The following TAFA1 variants were observed in gnomAD, a reference collection of about 807,000 sequenced individuals.
TAFA1 encodes TAFA chemokine like family member 1.
Under a neutral mutation model 18.5 loss-of-function variants are expected in TAFA1, and 4 were observed. The ratio of observed to expected loss-of-function variants is 0.22; its 90% confidence interval spans 0.11 to 0.49. The LOEUF is 0.49. TAFA1 is among the 20% of genes least tolerant of loss of function. The pLI, the probability that TAFA1 is intolerant of heterozygous loss-of-function variation, is 0.98. For missense variants in TAFA1, 147 were observed against 169.0 expected (o/e 0.87, Z 0.72); for synonymous variants, 56 against 55.2 (o/e 1.01, Z -0.06).
At chr3:68,181,630 C>G (rs1046070322) in intron 2 of TAFA1, among the ~76,000 whole-genome samples, 2 of 152,168 alleles carry the variant, frequency 1.3e-5, no homozygotes, top group Middle Eastern at 3.4e-3. Flanking sequence ...ATATGTGGTT[C>G]CAAATATTCT....
intron 2 of TAFA1, among the ~76,000 whole-genome samples, chr3:68,269,648 G>GTGA (rs1315815802): frequency 6.6e-6 from 1 of 152,054 alleles, no homozygotes; most frequent in African/African-American, 2.4e-5. Context: ...TTGGCCAGGA[G>GTGA]TGATGGCTCA....
intron 2 of TAFA1, among the ~76,000 whole-genome samples, chr3:68,125,855 G>A (rs1250881409): frequency 6.6e-6 from 1 of 152,158 alleles, no homozygotes; most frequent in Middle Eastern, 3.4e-3. Flanking sequence ...CTGTGTGTAA[G>A]GGCAGCCCCA....
intron 3 of TAFA1, among the ~76,000 whole-genome samples, chr3:68,448,027 G>A (rs913644541): frequency 5.3e-5 from 8 of 152,188 alleles, no homozygotes; most frequent in East Asian, 3.9e-4. Context: ...TGGCAGAGCT[G>A]AGAAGTGAGC....
At chr3:68,080,785 T>C (rs1171512708) in intron 2 of TAFA1, among the ~76,000 whole-genome samples, 1 of 152,194 alleles carries the variant, frequency 6.6e-6, no homozygotes, top group Non-Finnish European at 1.5e-5. Flanking sequence ...CTGACAATTA[T>C]GTGTCTTGGA....
intron 2 of TAFA1, among the ~76,000 whole-genome samples, chr3:68,302,811 C>G (rs1441288045): frequency 6.6e-6 from 1 of 152,110 alleles, no homozygotes; most frequent in East Asian, 1.9e-4. Flanking sequence ...AATCATTTTC[C>G]CTAAGCCTCA....
chr3:68,395,022 T>C (rs539072935), intron 2 of TAFA1, among the ~76,000 whole-genome samples: 2 of 152,214 alleles, frequency 1.3e-5, no homozygotes, highest in South Asian at 4.1e-4. Flanking sequence ...ACCTACCGAA[T>C]GGGAGAAAAT....
rs180827135 is a variant in TAFA1, at chr3:68,379,824, G to T, written c.119-37456G>T. Among the ~76,000 whole-genome samples, 36 of 150,078 alleles carry T rather than the reference G, an allele frequency of 2.4e-4. No individual in the cohort carries two copies. The East Asian group carries it at 6.3e-3, about 26-fold the overall frequency. On this transcript the variant is annotated intron_variant, in intron 2 of 4. Transcript: ENST00000478136. ...GTACATGTGCACAACATGCAGGTTT[G>T]TTACATAGGTATACATGTGCCATGT... is the stretch of plus-strand genomic sequence containing the variant.
chr3:68,435,067 G>T (rs538302139), intron 3 of TAFA1, among the ~76,000 whole-genome samples: 2 of 152,212 alleles, frequency 1.3e-5, no homozygotes, highest in East Asian at 1.9e-4. Flanking sequence ...ATGGAGATGA[G>T]CCCAGAGTGC....
intron 2 of TAFA1, among the ~76,000 whole-genome samples, chr3:68,091,188 T>A (rs1679638604): frequency 6.6e-6 from 1 of 152,206 alleles, no homozygotes. Flanking sequence ...CAAGGACACC[T>A]ACAGACTTCT....
chr3:68,132,170 G>C (rs982051442), intron 2 of TAFA1, among the ~76,000 whole-genome samples: 2 of 152,086 alleles, frequency 1.3e-5, no homozygotes, highest in African/African-American at 4.8e-5. Flanking sequence ...TGAGAATGAT[G>C]GTTTCCAGCT....
At chr3:68,195,379 G>A (rs988992500) in intron 2 of TAFA1, among the ~76,000 whole-genome samples, 1 of 146,790 alleles carries the variant, frequency 6.8e-6, no homozygotes, top group South Asian at 2.3e-4. Context: ...TAGATTAACA[G>A]TTTGAGTTTG....
intron 2 of TAFA1, among the ~76,000 whole-genome samples, chr3:68,180,276 G>T (rs527624431): frequency 6.6e-6 from 1 of 151,854 alleles, no homozygotes; most frequent in African/African-American, 2.4e-5. Flanking sequence ...CCGACCTCAG[G>T]TTATCCACCT....
intron 2 of TAFA1, among the ~76,000 whole-genome samples, chr3:68,333,898 T>A (rs1203550123): frequency 6.6e-6 from 1 of 152,130 alleles, no homozygotes; most frequent in Non-Finnish European, 1.5e-5. Flanking sequence ...AAATAAGCCA[T>A]CCACAGCAAG....
chr3:68,500,430 A>C (rs1307429177), intron 3 of TAFA1, among the ~76,000 whole-genome samples: 1 of 152,152 alleles, frequency 6.6e-6, no homozygotes, highest in East Asian at 1.9e-4. Context: ...AATTGTTATA[A>C]AACTTCTTAA....
In TAFA1 at chr3:68,151,699, A is replaced by C. The variant is rs187096086; in HGVS notation, c.118+144955A>C. Among the ~76,000 whole-genome samples, 631 of 152,286 alleles carry C rather than the reference A, an allele frequency of 4.1e-3. 6 individuals are homozygous for C. Among genetic ancestry groups the C allele is most frequent in the South Asian group, 0.021 (100 of 4,828 alleles). On this transcript the variant is annotated intron_variant, in intron 2 of 4. Transcript: ENST00000478136. ...ACCCCCTTCTGTGATAATGACATTT[A>C]TTCATTTATAAGGACAGATCCCTTA...
intron 2 of TAFA1, among the ~76,000 whole-genome samples, chr3:68,188,915 G>C (rs1033356396): frequency 6.6e-6 from 1 of 151,808 alleles, no homozygotes; most frequent in Non-Finnish European, 1.5e-5. Flanking sequence ...TACAAGGCCA[G>C]GTGTGCACTT....
At chr3:68,020,858 G>A (rs768079352) in intron 2 of TAFA1, among the ~76,000 whole-genome samples, 44 of 152,004 alleles carry the variant, frequency 2.9e-4, no homozygotes, top group Non-Finnish European at 5.6e-4. Context: ...CATTGTGTAC[G>A]TAATTACAGG....
At chr3:68,007,030 TAGC>T (rs1378484394) in intron 2 of TAFA1, among the ~76,000 whole-genome samples, 2 of 152,212 alleles carry the variant, frequency 1.3e-5, no homozygotes, top group Non-Finnish European at 2.9e-5. Context: ...CTTTGGCCAA[TAGC>T]AGAATATTCT....
At chr3:68,233,000 A>T (rs555677233) in intron 2 of TAFA1, among the ~76,000 whole-genome samples, 2 of 152,146 alleles carry the variant, frequency 1.3e-5, no homozygotes, top group South Asian at 4.1e-4. Flanking sequence ...TTTTCTCTGC[A>T]TCCTTGCCAG....
Sources: gnomAD v4.1 joint callset for allele counts (sites outside exome capture counted in the v4.1 genomes callset) on GRCh38, gnomAD v4.1.1 for gene constraint, MANE v1.5 for transcripts, NCBI Gene and HGNC (gene_info 2026-07-23, HGNC 2026-07-21) for gene names.